Variants in ENTREP2 observed in about 807,000 individuals in gnomAD.
ENTREP2 encodes endosomal transmembrane epsin interactor 2.
the ENTREP2 span, among the ~76,000 whole-genome samples, chr15:29,526,272 CTT>C: frequency 1.3e-5 from 2 of 152,164 alleles, no homozygotes; most frequent in Non-Finnish European, 2.9e-5. Flanking sequence ...ACAACTCTCT[CTT>C]GTTACAGGGA....
the ENTREP2 span, among the ~76,000 whole-genome samples, chr15:29,319,416 C>T: frequency 6.6e-6 from 1 of 152,214 alleles, no homozygotes; most frequent in Admixed American, 6.5e-5. Flanking sequence ...CAAGTGCCAT[C>T]TAATTCCCTA....
At chr15:29,563,162 A>AT in the ENTREP2 span, among the ~76,000 whole-genome samples, 1 of 152,178 alleles carries the variant, frequency 6.6e-6, no homozygotes, top group South Asian at 2.1e-4. Context: ...TTCTACATTG[A>AT]TTTTTCCCAG....
At chr15:29,655,216 CAG>C in the ENTREP2 span, among the ~76,000 whole-genome samples, 1 of 152,184 alleles carries the variant, frequency 6.6e-6, no homozygotes, top group South Asian at 2.1e-4. Flanking sequence ...CTTTGAGACA[CAG>C]GACCACAGGA....
the ENTREP2 span, among the ~76,000 whole-genome samples, chr15:29,160,744 T>C: frequency 1.3e-5 from 2 of 150,494 alleles, no homozygotes; most frequent in Admixed American, 6.6e-5. Flanking sequence ...ATCAGGACGT[T>C]GATACCTTTG....
the ENTREP2 span, among the ~76,000 whole-genome samples, chr15:29,533,049 T>C: frequency 4.3e-4 from 66 of 152,262 alleles, no homozygotes; most frequent in African/African-American, 1.5e-3. Context: ...AATCCAGGGA[T>C]TGTACACAGG....
At chr15:29,410,291 T>C in the ENTREP2 span, among the ~76,000 whole-genome samples, 1 of 152,332 alleles carries the variant, frequency 6.6e-6, no homozygotes, top group Non-Finnish European at 1.5e-5. Flanking sequence ...GTTTTTGCAC[T>C]TTACAAAAAC....
chr15:29,226,297 A>T, the ENTREP2 span, among the ~76,000 whole-genome samples: 2 of 152,300 alleles, frequency 1.3e-5, no homozygotes, highest in Admixed American at 1.3e-4. Context: ...TTGCTAGGAA[A>T]CTTTGGGGGT....
the ENTREP2 span, among the ~76,000 whole-genome samples, chr15:29,537,507 C>T: frequency 1.3e-5 from 2 of 152,178 alleles, no homozygotes; most frequent in African/African-American, 2.4e-5. Context: ...GGACCAGCCA[C>T]GCACCCTATA....
At chr15:29,254,176 A>AAT in the ENTREP2 span, among the ~76,000 whole-genome samples, 1 of 149,236 alleles carries the variant, frequency 6.7e-6, no homozygotes, top group East Asian at 1.9e-4. Flanking sequence ...AAAAAAAAAA[A>AAT]AAAAAAAAAA....
chr15:29,552,588 A>G, the ENTREP2 span, among the ~76,000 whole-genome samples: 1 of 152,040 alleles, frequency 6.6e-6, no homozygotes, highest in Admixed American at 6.6e-5. Flanking sequence ...AATAATAACA[A>G]AAAACGAGGA....
At chr15:29,135,598 C>T in the ENTREP2 span, among the ~76,000 whole-genome samples, 1 of 152,142 alleles carries the variant, frequency 6.6e-6, no homozygotes, top group Admixed American at 6.5e-5. This position sits in a 1 kb window ranked among gnomAD's most constrained non-coding sequence, Gnocchi z 7.4. Context: ...TGTTCCAAGT[C>T]CTGTTGGCTC....
chr15:29,660,977 C>G, the ENTREP2 span, among the ~76,000 whole-genome samples: 19 of 152,188 alleles, frequency 1.2e-4, no homozygotes, highest in Non-Finnish European at 2.6e-4. Flanking sequence ...CAATCCCCCT[C>G]AGATACCAAG....
chr15:29,573,047 G>C, the ENTREP2 span, among the ~76,000 whole-genome samples: 12 of 152,180 alleles, frequency 7.9e-5, no homozygotes, highest in African/African-American at 2.7e-4. Flanking sequence ...GGAGGTGTCA[G>C]TGATGAATTA....
At chr15:29,522,594 G>C in the ENTREP2 span, among the ~76,000 whole-genome samples, 1 of 152,140 alleles carries the variant, frequency 6.6e-6, no homozygotes, top group South Asian at 2.1e-4. Context: ...TGGCACATTA[G>C]CTTGGTGCTA....
chr15:29,540,809 G>C, the ENTREP2 span, among the ~76,000 whole-genome samples: 2 of 152,224 alleles, frequency 1.3e-5, no homozygotes, highest in African/African-American at 4.8e-5. Flanking sequence ...GGATCACACA[G>C]TTAATACCAC....
At chr15:29,655,455 T>C in the ENTREP2 span, among the ~76,000 whole-genome samples, 3 of 152,346 alleles carry the variant, frequency 2.0e-5, no homozygotes, top group Admixed American at 6.5e-5. Context: ...TAGCCTTTAC[T>C]GTGTAACACA....
chr15:29,175,852 C>T, the ENTREP2 span, among the ~76,000 whole-genome samples: 16 of 152,320 alleles, frequency 1.1e-4, no homozygotes, highest in South Asian at 1.0e-3. Flanking sequence ...GTGATCCACC[C>T]GCCTTGGCCT....
the ENTREP2 span, among the ~76,000 whole-genome samples, chr15:29,596,474 A>T: frequency 1.3e-5 from 2 of 151,904 alleles, no homozygotes; most frequent in Non-Finnish European, 2.9e-5. Context: ...CCTAGGGGGC[A>T]CAACTTTATC....
chr15:29,309,348 T>C, the ENTREP2 span, among the ~76,000 whole-genome samples: 9 of 152,178 alleles, frequency 5.9e-5, no homozygotes, highest in Admixed American at 5.2e-4. Flanking sequence ...TTAGTTTCCA[T>C]GACACAAAAT....
Sources: allele counts gnomAD v4.1 joint callset (sites outside exome capture counted in the v4.1 genomes callset), GRCh38; gene constraint gnomAD v4.1.1; non-coding constraint Gnocchi (gnomAD v3.1); transcripts MANE v1.5; gene names NCBI Gene and HGNC (gene_info 2026-07-23, HGNC 2026-07-21).